Variants in RYR2 observed in about 807,000 individuals in gnomAD.
The protein encoded by RYR2 is cardiac muscle ryanodine receptor-calcium release channel.
RYR2 carries 227 observed loss-of-function variants against 601.1 expected under a neutral mutation model. The observed-to-expected ratio is 0.38, with a 90% confidence interval of 0.34 to 0.42. The LOEUF is 0.42. Ranked by LOEUF, RYR2 falls within the 10% of genes least tolerant of loss-of-function variation. The pLI is 1.00. For synonymous variants in RYR2, 2,223 were observed against 2,175.1 expected, an observed-to-expected ratio of 1.02 and a Z score of -0.61; for missense variants, 4,646 against 6,156.5, an observed-to-expected ratio of 0.75 and a Z score of 8.21.
intron 1 of RYR2, among the ~76,000 whole-genome samples, chr1:237,045,166 A>G (rs1237005102): frequency 1.3e-5 from 2 of 152,162 alleles, no homozygotes; most frequent in Non-Finnish European, 2.9e-5. Context: ...TATCTTGAGC[A>G]GGTCATTGTC....
intron 73 of RYR2, among the ~76,000 whole-genome samples, chr1:237,722,522 C>T (rs1386205547): frequency 6.6e-6 from 1 of 151,676 alleles, no homozygotes; most frequent in African/African-American, 2.4e-5. Flanking sequence ...CAAGCTCCGC[C>T]TCCCGGGTTC....
chr1:237,417,090 G>T lies in RYR2; in HGVS notation c.815G>T (p.Arg272Leu), dbSNP rs377368967. The change falls in exon 11 of 105, where the codon CGT becomes CTT. Residue 272 changes from arginine to leucine, a missense_variant. By Grantham distance (102) the Arg-to-Leu change is moderately radical. Transcript: ENST00000366574. ...YEGGAVSVHA[R>L]SLWRLETLRV... ...GGTGGCGCTGTGTCTGTTCATGCACGTTCCCTTTGGAGACTAGAGACGCTA... is the reference window on the plus strand; with the variant it reads ...GGTGGCGCTGTGTCTGTTCATGCACTTTCCCTTTGGAGACTAGAGACGCTA... The T allele has an allele frequency of 3.8e-5, 61 of 1,613,608 alleles. No individual in the cohort carries two copies. Among genetic ancestry groups the T allele is most frequent in the Non-Finnish European group, 4.8e-5 (57 of 1,179,748 alleles).
chr1:237,690,778 G>C (rs771604279), intron 63 of RYR2, among the ~76,000 whole-genome samples: 1 of 152,166 alleles, frequency 6.6e-6, no homozygotes, highest in Non-Finnish European at 1.5e-5. Context: ...TGGGAGGATT[G>C]CTTGAGCCTG....
chr1:237,118,849 A>G (rs1159759336), intron 1 of RYR2, among the ~76,000 whole-genome samples: 1 of 152,094 alleles, frequency 6.6e-6, no homozygotes, highest in East Asian at 1.9e-4. Context: ...TTATTCTAAT[A>G]GTTATGGTTC....
rs1217095011 is a variant in RYR2, at chr1:237,773,644, T to C, written c.11771T>C (p.Ile3924Thr). Residue 3924 changes from isoleucine (I) to threonine (T), a missense_variant, in exon 87 of 105, where the codon ATT becomes ACT. Physicochemically the swap from Ile to Thr is moderately conservative, Grantham distance 89. Coordinates refer to ENST00000366574, the MANE Select transcript of RYR2 (RefSeq NM_001035.3). ...KQVFNTLTEYIQGPCTGNQQS... is the reference protein window; with the variant it reads ...KQVFNTLTEYTQGPCTGNQQS... ...GTCTTTAACACTCTTACAGAGTATA[T>C]TCAGGTAAACATTTAAACATGGCTG... 6.2e-7 allele frequency: 1 copy of C among 1,611,362 alleles called. No individual in the cohort carries two copies. The highest frequency in any genetic ancestry group is 2.2e-5 in the East Asian group (1 of 44,752).
At chr1:237,734,942 T>C (rs921920059) in intron 79 of RYR2, among the ~76,000 whole-genome samples, 1 of 152,088 alleles carries the variant, frequency 6.6e-6, no homozygotes, top group Non-Finnish European at 1.5e-5. Context: ...CAGGAAGAGA[T>C]GACAGCATGA....
chr1:237,409,585 T>C (rs1187477883), intron 10 of RYR2, among the ~76,000 whole-genome samples: 1 of 152,162 alleles, frequency 6.6e-6, no homozygotes, highest in African/African-American at 2.4e-5. Context: ...TAGAAATACC[T>C]GTTATGACAT....
At chr1:237,697,302 C>T (rs1687543517) in intron 63 of RYR2, among the ~76,000 whole-genome samples, 1 of 146,968 alleles carries the variant, frequency 6.8e-6, no homozygotes, top group East Asian at 2.0e-4. Flanking sequence ...TGTTATTCTA[C>T]CCAGTTTCTG....
In RYR2 at chr1:237,466,939, G is replaced by A. The variant is rs545066706; in HGVS notation, c.1613-2153G>A. Among the ~76,000 whole-genome samples, 12 of 151,526 alleles carry A rather than the reference G, an allele frequency of 7.9e-5. 1 individual carries two copies. Among genetic ancestry groups the A allele is most frequent in the Admixed American group, 2.6e-4 (4 of 15,220 alleles). On this transcript the variant is annotated intron_variant, in intron 16 of 104. Transcript: ENST00000366574. ...TGCTTTTCTTACTAAATTCTGACACGGTTCTGTCAGAGAACATGGTTTATA... is the reference window on the plus strand; with the variant it reads ...TGCTTTTCTTACTAAATTCTGACACAGTTCTGTCAGAGAACATGGTTTATA...
At chr1:237,687,384 T>TTA (rs1553282913) in intron 62 of RYR2, 71 bp from the exon 63 acceptor site, 14 of 662,272 alleles carry the variant, frequency 2.1e-5, no homozygotes, top group Admixed American at 6.8e-5. Context: ...TTTTTTTTTT[T>TTA]AATTTCCCCC....
In RYR2 at chr1:237,778,397, C is replaced by CA. The variant is rs5781993; in HGVS notation, c.11776-257dup. The stretch of plus-strand genomic sequence containing the variant: ...TAAATAGAGGAGATCAAAGCCAGAC[C>CA]AAAAAAAAAAAATGATTCACAGAAT... On this transcript the variant is annotated intron_variant, in intron 87 of 104. Transcript: ENST00000366574. Among the ~76,000 whole-genome samples the CA allele has an allele frequency of 0.83, 121,185 of 145,826 alleles. 50,541 individuals are homozygous for CA. The highest frequency in any genetic ancestry group is 0.9 in the South Asian group (4,177 of 4,630).
intron 98 of RYR2, 82 bp downstream of exon 98, chr1:237,801,998 AT>A: frequency 2.5e-6 from 2 of 808,788 alleles, no homozygotes; most frequent in Non-Finnish European, 4.2e-6. Flanking sequence ...AAGGCTGGTT[AT>A]TTAGAAAATG....
At chr1:237,369,478 A>G (rs1237252188) in intron 5 of RYR2, 56 bp from the exon 6 acceptor site, 3 of 1,401,440 alleles carry the variant, frequency 2.1e-6, no homozygotes, top group Non-Finnish European at 2.0e-6. Flanking sequence ...CAACTTGGTT[A>G]AGTTACTCTT....
intron 10 of RYR2, among the ~76,000 whole-genome samples, chr1:237,396,804 T>C (rs570098391): frequency 1.3e-5 from 2 of 152,296 alleles, no homozygotes; most frequent in South Asian, 4.1e-4. Context: ...AACCTGGGCC[T>C]AAACTTCACA....
chr1:237,630,799 A>G (rs1680162446), intron 41 of RYR2, among the ~76,000 whole-genome samples: 1 of 152,194 alleles, frequency 6.6e-6, no homozygotes. Flanking sequence ...AATACGAGAC[A>G]TTTTAGGTAT....
intron 1 of RYR2, among the ~76,000 whole-genome samples, chr1:237,256,881 T>A (rs1688040475): frequency 1.3e-5 from 2 of 152,202 alleles, no homozygotes; most frequent in South Asian, 4.1e-4. Flanking sequence ...AGGCTGCCCT[T>A]CCTTAGTCTA....
At chr1:237,507,964 A>AT (rs570384510) in intron 23 of RYR2, among the ~76,000 whole-genome samples, 13 of 151,936 alleles carry the variant, frequency 8.6e-5, no homozygotes, top group African/African-American at 2.2e-4. Context: ...ACGTTCATCA[A>AT]TTTTTTTTAT....
chr1:237,446,942 A>G (rs1277528429), intron 14 of RYR2, among the ~76,000 whole-genome samples: 1 of 152,210 alleles, frequency 6.6e-6, no homozygotes, highest in Non-Finnish European at 1.5e-5. Context: ...CTTGGAAATT[A>G]TAACTTATTT....
At chr1:237,476,509 CAAAAAAAAAAAAAA>C (rs56116691) in intron 17 of RYR2, among the ~76,000 whole-genome samples, 22 of 70,204 alleles carry the variant, frequency 3.1e-4, no homozygotes, top group African/African-American at 1.2e-3. Context: ...GACTCTGTCT[CAAAAAAAAAAAAAA>C]AAAAAAAAAA....
Sources: allele counts gnomAD v4.1 joint callset (sites outside exome capture counted in the v4.1 genomes callset), GRCh38; gene constraint gnomAD v4.1.1; transcripts MANE v1.5; gene names NCBI Gene and HGNC (gene_info 2026-07-23, HGNC 2026-07-21).